The following MLC1 variants were observed in gnomAD, a reference collection of about 807,000 sequenced individuals.
The protein encoded by MLC1 is membrane protein MLC1.
A neutral mutation model predicts 44.7 loss-of-function variants in MLC1; 32 were observed. The observed-to-expected ratio is 0.72, with a 90% CI of 0.54 to 0.96. The LOEUF (loss-of-function observed/expected upper bound fraction) is 0.96. Ranked by LOEUF, MLC1 falls within the 40% of genes least tolerant of loss-of-function variation. The pLI is 0.00. For synonymous variants in MLC1, 190 were observed against 213.0 expected (o/e 0.89, Z 0.94); for missense variants, 459 against 492.2 (o/e 0.93, Z 0.64).
At chr22:50,067,751 A>C (rs1601990789) in intron 10 of MLC1, among the ~76,000 whole-genome samples, 2 of 69,222 alleles carry the variant, frequency 2.9e-5, no homozygotes, top group African/African-American at 5.1e-5. Context: ...GACTCCATCC[A>C]TCCATCAGAC....
At chr22:50,082,051 G>A (rs555030016) in intron 3 of MLC1, among the ~76,000 whole-genome samples, 64 of 152,364 alleles carry the variant, frequency 4.2e-4, no homozygotes, top group African/African-American at 1.5e-3. Context: ...TTTCGGGGGC[G>A]CTGCTGGGGA....
At chr22:50,078,542 C>T (rs190235520) in intron 5 of MLC1, among the ~76,000 whole-genome samples, 19 of 151,838 alleles carry the variant, frequency 1.3e-4, no homozygotes, top group African/African-American at 4.3e-4. Flanking sequence ...AGTTCCAGAC[C>T]AGCCTGACCA....
At chr22:50,077,584 G>T (rs540992617) in intron 5 of MLC1, 82 bp from the exon 6 acceptor site, 4 of 1,166,464 alleles carry the variant, frequency 3.4e-6, no homozygotes, top group South Asian at 2.5e-5. Flanking sequence ...ACCACCTCAC[G>T]GGCAGGCTGC....
chr22:50,082,326 G>T (rs756441801), intron 3 of MLC1, among the ~76,000 whole-genome samples: 11 of 152,254 alleles, frequency 7.2e-5, no homozygotes, highest in Non-Finnish European at 1.5e-4. Context: ...CTGCCGGGAC[G>T]CTGGGGAGGC....
intron 10 of MLC1, among the ~76,000 whole-genome samples, chr22:50,067,204 G>A (rs1569243366): frequency 6.6e-6 from 1 of 152,084 alleles, no homozygotes; most frequent in Non-Finnish European, 1.5e-5. Flanking sequence ...AAAACCCTGG[G>A]CCGGGTGTTG....
Position 50,084,855 on chromosome 22 carries a change from G to T in MLC1, c.48C>A (p.Pro16=). 1 of 1,613,512 alleles carries T rather than the reference G, an allele frequency of 6.2e-7. No individual in the cohort carries two copies. The highest frequency in any genetic ancestry group is 8.5e-7 in the Non-Finnish European group (1 of 1,180,044). ...GGTCTTGCCGGCCCCGCTCCAGCGTGGGCATCCGGTCATAGGCCAGCTCCT... is the reference window on the plus strand; with the variant it reads ...GGTCTTGCCGGCCCCGCTCCAGCGTTGGCATCCGGTCATAGGCCAGCTCCT... ...FREELAYDRM[P]TLERGRQDPA... is the part of the protein sequence containing the mutation. Residue 16 remains proline, a synonymous_variant, in exon 2 of 12, where the codon CCC becomes CCA. Transcript: ENST00000311597.
chr22:50,068,831 A>T (rs1292849597), intron 9 of MLC1, among the ~76,000 whole-genome samples: 2 of 143,250 alleles, frequency 1.4e-5, no homozygotes, highest in Non-Finnish European at 3.0e-5. Context: ...GGTTCAAGTG[A>T]TTCTCCTGCC....
In MLC1 at chr22:50,083,303, G is replaced by A. The variant is rs557320394; in HGVS notation, c.178-130C>T. ...ACGTCCCCCAGCATCAACCACACCCGCACCTGGGACCCGCCCATCCTGGAC... is the reference window on the plus strand; with the variant it reads ...ACGTCCCCCAGCATCAACCACACCCACACCTGGGACCCGCCCATCCTGGAC... On this transcript the variant is annotated intron_variant, in intron 2 of 11. Transcript: ENST00000311597. The surrounding 1 kb of genome is among the most constrained non-coding windows in gnomAD (Gnocchi z 4.6). 1,650 of 823,828 alleles carry A rather than the reference G, an allele frequency of 2.0e-3. 28 individuals carry two copies. The highest frequency in any genetic ancestry group is 0.02 in the South Asian group (1,387 of 69,422). The allele number at this position is 823,828 out of a possible 1,614,324, so 51.0% of individuals were successfully genotyped here. A position where few individuals can be genotyped will look rare whatever the true frequency, so the allele number is the denominator to read the frequency against.
Position 50,070,508 on chromosome 22 carries a change from G to A in MLC1, c.771+19C>T. ...CGCTCGGTGGGTCCCTGGCACCCAG[G>A]GCTGAGGGGTTCACCCACCAGACAC... On this transcript the variant is annotated intron_variant, in intron 9 of 11. Coordinates refer to ENST00000311597, the MANE Select transcript of MLC1 (RefSeq NM_015166.4). The A allele has an allele frequency of 1.3e-6, 2 of 1,554,492 alleles. No homozygotes were observed. The highest frequency in any genetic ancestry group is 1.7e-6 in the Non-Finnish European group (2 of 1,148,610).
Position 50,064,089 on chromosome 22 carries a change from A to G in MLC1, c.1004T>C (p.Leu335Pro), listed in dbSNP as rs767297272. The G allele has an allele frequency of 6.2e-7, 1 of 1,601,266 alleles. No homozygotes were observed. Among genetic ancestry groups the G allele is most frequent in the South Asian group, 1.1e-5 (1 of 90,372 alleles). ...CTGGGTGTCCCAGGATGCACCCTGC[A>G]GCCTTGCACTGACCTTGAAGCGCAC... ...QCVRFKVSAR[L>P]QGASWDTQNG... The change falls in exon 11 of 12, where the codon CTG (leucine) becomes CCG (proline). Residue 335 changes from leucine to proline, a missense_variant. Transcript: ENST00000311597.
chr22:50,082,402 G>T (rs2062168769), intron 3 of MLC1, among the ~76,000 whole-genome samples: 1 of 152,226 alleles, frequency 6.6e-6, no homozygotes, highest in Non-Finnish European at 1.5e-5. Flanking sequence ...CTGAGGATCA[G>T]TGGGTGCCTC....
At position 50,077,432 on chromosome 22, in the gene MLC1, C is replaced by T. The variant is rs1217564000; in HGVS notation, c.494G>A (p.Arg165Gln). ...TTTCTTGCAGTCCTCCTCGCTGGAC[C>T]GTGCAGCGATGATCACCGTGGCCGC... ...LMAATVIIAA[R>Q]SSEEDCKKKK... Residue 165 changes from arginine (R) to glutamine (Q), a missense_variant, in exon 6 of 12, where the codon CGG becomes CAG. Coordinates refer to ENST00000311597, the MANE Select transcript of MLC1 (RefSeq NM_015166.4). The T allele has an allele frequency of 1.2e-5, 19 of 1,613,804 alleles. No homozygotes were observed. Among genetic ancestry groups the T allele is most frequent in the African/African-American group, 2.7e-5 (2 of 74,936 alleles).
rs1413650900 is a variant in MLC1, at chr22:50,081,049, G to GAAAGAAAGAAAGAA, written c.268-653_268-652insTTCTTTCTTTCTTT. On this transcript the variant is annotated intron_variant, in intron 3 of 11. Transcript: ENST00000311597. Reference sequence around the variant, plus strand: ...AGAAAGAAAGAAAGAAAGAAAGAAAGAAAGAAAGAGGAGGTCTGGTGCAGT... The same window carrying GAAAGAAAGAAAGAA: ...AGAAAGAAAGAAAGAAAGAAAGAAAGAAAGAAAGAAAGAAAAAGAAAGAGGAGGTCTGGTGCAGT... Among the ~76,000 whole-genome samples, 309 of 149,852 alleles carry GAAAGAAAGAAAGAA rather than the reference G, an allele frequency of 2.1e-3. 7 individuals carry two copies. Among genetic ancestry groups the GAAAGAAAGAAAGAA allele is most frequent in the African/African-American group, 7.5e-3 (299 of 39,666 alleles).
intron 10 of MLC1, among the ~76,000 whole-genome samples, chr22:50,064,598 A>G (rs1437083266): frequency 1.3e-5 from 2 of 151,600 alleles, no homozygotes; most frequent in African/African-American, 4.8e-5. Context: ...TCCTGAGCGG[A>G]GGAGACAGGG....
rs143778137 is a variant in MLC1, at chr22:50,069,607, C to T, written c.771+920G>A. 6.4e-3 allele frequency among the ~76,000 whole-genome samples: 978 copies of T among 152,056 alleles called. 9 individuals carry two copies. The highest frequency in any genetic ancestry group is 0.022 in the African/African-American group (930 of 41,514). The stretch of plus-strand genomic sequence containing the variant: ...GTTACAATGAGCTGAGATCGTACCA[C>T]TGCACTCCAGCCTGGGTGACAGAGC... On this transcript the variant is annotated intron_variant, in intron 9 of 11. Coordinates refer to ENST00000311597, the MANE Select transcript of MLC1 (RefSeq NM_015166.4).
intron 11 of MLC1, among the ~76,000 whole-genome samples, chr22:50,063,256 T>C (rs137921): frequency 0.92 from 139,802 of 152,046 alleles, 64,334 homozygotes; most frequent in African/African-American, 0.95. Flanking sequence ...AGGCGGATCA[T>C]GAGGTCAGGA....
At chr22:50,067,760 A>T (rs1444506137) in intron 10 of MLC1, among the ~76,000 whole-genome samples, 1 of 105,762 alleles carries the variant, frequency 9.5e-6, no homozygotes, top group African/African-American at 3.6e-5. Flanking sequence ...CATCCATCAG[A>T]CAGTGACTCC....
intron 10 of MLC1, among the ~76,000 whole-genome samples, chr22:50,065,820 C>T (rs949706169): frequency 4.4e-4 from 67 of 152,240 alleles, no homozygotes; most frequent in African/African-American, 1.6e-3. Context: ...AGTCTCTCTC[C>T]TAGCTGGATA....
Position 50,083,019 on chromosome 22 carries a change from C to G in MLC1, c.267+65G>C, listed in dbSNP as rs961185735. On this transcript the variant is annotated intron_variant, in intron 3 of 11. Coordinates refer to ENST00000311597, the MANE Select transcript of MLC1 (RefSeq NM_015166.4). The surrounding 1 kb of genome is among the most constrained non-coding windows in gnomAD (Gnocchi z 4.6). ...TGACAGAAACCTGCACATCTCAGAA[C>G]AAAGAAACCAGAGCACGTGCCGGCG... 1.3e-6 allele frequency: 2 copies of G among 1,500,244 alleles called. No homozygotes were observed. Among genetic ancestry groups the G allele is most frequent in the African/African-American group, 2.8e-5 (2 of 72,450 alleles). 92.9% of individuals were successfully genotyped at this position (1,500,244 alleles called of 1,614,324 possible).
Sources: allele counts gnomAD v4.1 joint callset (sites outside exome capture counted in the v4.1 genomes callset), GRCh38; gene constraint gnomAD v4.1.1; non-coding constraint Gnocchi (gnomAD v3.1); transcripts MANE v1.5; gene names NCBI Gene and HGNC (gene_info 2026-07-23, HGNC 2026-07-21).